GRM7: variants seen among roughly 807,000 people sequenced by gnomAD.
The protein encoded by GRM7 is glutamate metabotropic receptor 7, also known as metabotropic glutamate receptor 7.
In GRM7, 35 loss-of-function variants were observed where a neutral mutation model predicts 84.5. The observed-to-expected ratio is 0.41, with a 90% CI of 0.32 to 0.55. GRM7 has a LOEUF of 0.55. Among genes scored for constraint, GRM7 ranks in the 20% least tolerant of loss-of-function variants. GRM7 has a pLI of 0.19. For missense variants in GRM7, 1,003 were observed against 1,194.6 expected, an observed-to-expected ratio of 0.84 and a Z score of 2.36; for synonymous variants, 487 against 455.1, an observed-to-expected ratio of 1.07 and a Z score of -0.89.
intron 1 of GRM7, among the ~76,000 whole-genome samples, chr3:6,877,984 C>A (rs565299143): frequency 1.6e-4 from 24 of 150,856 alleles, no homozygotes; most frequent in Admixed American, 4.0e-4. Flanking sequence ...GGTTACAACT[C>A]TATCTACAGA....
chr3:7,539,914 T>C (rs1407031854), intron 7 of GRM7, among the ~76,000 whole-genome samples: 1 of 152,216 alleles, frequency 6.6e-6, no homozygotes, highest in Non-Finnish European at 1.5e-5. Context: ...ACTCTCTGTA[T>C]GGACTTTCCT....
intron 1 of GRM7, among the ~76,000 whole-genome samples, chr3:6,880,151 G>T (rs897874529): frequency 1.3e-5 from 2 of 152,162 alleles, no homozygotes; most frequent in African/African-American, 2.4e-5. Flanking sequence ...GGAATGAGGG[G>T]AGAATGGGTA....
chr3:7,579,806 G>A (rs1695162516), intron 8 of GRM7, among the ~76,000 whole-genome samples: 1 of 152,106 alleles, frequency 6.6e-6, no homozygotes, highest in South Asian at 2.1e-4. Context: ...GGCTACCTAG[G>A]CTATTGCTGT....
At chr3:7,279,112 T>A (rs1037491497) in intron 2 of GRM7, among the ~76,000 whole-genome samples, 1 of 152,186 alleles carries the variant, frequency 6.6e-6, no homozygotes, top group African/African-American at 2.4e-5. Context: ...TATTACAGAT[T>A]TACTCACAGT....
intron 2 of GRM7, among the ~76,000 whole-genome samples, chr3:7,276,640 C>T (rs1310628583): frequency 2.0e-5 from 3 of 151,904 alleles, no homozygotes; most frequent in Non-Finnish European, 4.4e-5. Flanking sequence ...GGTTATTTTT[C>T]AGATGATCCC....
At chr3:7,134,097 G>A (rs1184844203) in intron 1 of GRM7, among the ~76,000 whole-genome samples, 1 of 152,080 alleles carries the variant, frequency 6.6e-6, no homozygotes, top group Non-Finnish European at 1.5e-5. Context: ...ATATTAGCAT[G>A]GAATGTGCAA....
intron 2 of GRM7, among the ~76,000 whole-genome samples, chr3:7,239,314 T>G (rs1697464269): frequency 6.6e-6 from 1 of 152,092 alleles, no homozygotes; most frequent in South Asian, 2.1e-4. Context: ...CATCCACATT[T>G]CTAATGCAGA....
intron 1 of GRM7, among the ~76,000 whole-genome samples, chr3:6,958,907 TA>T (rs1559352578): frequency 1.3e-5 from 2 of 152,144 alleles, no homozygotes; most frequent in African/African-American, 4.8e-5. Flanking sequence ...AGTGAAAGCA[TA>T]TACCACAGCA....
chr3:7,116,413 C>T (rs933921645), intron 1 of GRM7, among the ~76,000 whole-genome samples: 1 of 152,136 alleles, frequency 6.6e-6, no homozygotes, highest in African/African-American at 2.4e-5. Flanking sequence ...GATGAGGAAA[C>T]TGAGGCCCAG....
chr3:6,923,782 CATG>C (rs547681458), intron 1 of GRM7, among the ~76,000 whole-genome samples: 640 of 152,250 alleles, frequency 4.2e-3, no homozygotes, highest in Non-Finnish European at 7.2e-3. Context: ...TTCATTTTGT[CATG>C]ATGTTTCTTC....
At chr3:7,167,818 G>C (rs1411718313) in intron 2 of GRM7, among the ~76,000 whole-genome samples, 2 of 151,400 alleles carry the variant, frequency 1.3e-5, no homozygotes, top group Non-Finnish European at 2.9e-5. Flanking sequence ...ATATACAAAA[G>C]ATTAGCTAGG....
chr3:7,648,178 GAGAA>G (rs1309411785), intron 8 of GRM7, among the ~76,000 whole-genome samples: 1 of 151,386 alleles, frequency 6.6e-6, no homozygotes, highest in Non-Finnish European at 1.5e-5. Flanking sequence ...AAAAGATTCT[GAGAA>G]AGAAATGAGT....
chr3:7,644,213 C>CGTATATATATAT (rs879687003), intron 8 of GRM7, among the ~76,000 whole-genome samples: 53 of 134,768 alleles, frequency 3.9e-4, no homozygotes, highest in African/African-American at 1.4e-3. Flanking sequence ...TATGTCTGTA[C>CGTATATATATAT]ATATATATGT....
chr3:7,348,138 A>G (rs1692974041), intron 4 of GRM7, among the ~76,000 whole-genome samples: 1 of 152,178 alleles, frequency 6.6e-6, no homozygotes, highest in African/African-American at 2.4e-5. Context: ...AGTGACTTTT[A>G]TCGGCCTAGG....
chr3:7,163,907 G>T (rs1176864871), intron 2 of GRM7, among the ~76,000 whole-genome samples: 1 of 152,196 alleles, frequency 6.6e-6, no homozygotes, highest in African/African-American at 2.4e-5. Flanking sequence ...ATATTTGAAA[G>T]AAAATGCTAA....
chr3:6,950,844 A>G lies in GRM7; in HGVS notation c.519+88937A>G, dbSNP rs550590510. Among the ~76,000 whole-genome samples, 15 of 152,308 alleles carry G rather than the reference A, an allele frequency of 9.8e-5. 1 individual carries two copies. Among genetic ancestry groups the G allele is most frequent in the Admixed American group, 2.0e-4 (3 of 15,300 alleles). ...GTGAGCGAGGCTCCATGGGCGTAGG[A>G]CCCTCTGAGCCAGGTGTGGGATATA... On this transcript the variant is annotated intron_variant, in intron 1 of 9. Coordinates refer to ENST00000357716, the MANE Select transcript of GRM7 (RefSeq NM_000844.4).
intron 4 of GRM7, among the ~76,000 whole-genome samples, chr3:7,410,880 T>G (rs545409789): frequency 3.3e-5 from 5 of 152,154 alleles, no homozygotes; most frequent in Non-Finnish European, 5.9e-5. Flanking sequence ...GCTACAAATT[T>G]GGTGCTTTAA....
chr3:7,730,092 T>C (rs1313998071), intron 9 of GRM7, among the ~76,000 whole-genome samples: 10 of 145,294 alleles, frequency 6.9e-5, no homozygotes, highest in East Asian at 2.3e-4. Context: ...ACAGGCTGGT[T>C]TCGATCTGTT....
At chr3:7,592,857 T>C (rs1371919928) in intron 8 of GRM7, among the ~76,000 whole-genome samples, 1 of 152,166 alleles carries the variant, frequency 6.6e-6, no homozygotes, top group Admixed American at 6.5e-5. Flanking sequence ...ATTTGTCCAC[T>C]GCTGGAGAGA....
Sources: gnomAD v4.1 joint callset for allele counts (sites outside exome capture counted in the v4.1 genomes callset) on GRCh38, gnomAD v4.1.1 for gene constraint, MANE v1.5 for transcripts, NCBI Gene and HGNC (gene_info 2026-07-23, HGNC 2026-07-21) for gene names.